The following GRIK5 variants were observed in gnomAD, a reference collection of about 807,000 sequenced individuals.
GRIK5 encodes the protein glutamate ionotropic receptor kainate type subunit 5.
A neutral mutation model predicts 97.4 loss-of-function variants in GRIK5; 43 were observed. The observed-to-expected ratio is 0.44, with a 90% CI of 0.35 to 0.57. GRIK5 has a LOEUF of 0.57. GRIK5 is among the 20% of genes least tolerant of loss of function. The probability of loss-of-function intolerance (pLI) is 0.01; values close to 1 mark genes in which losing one functional copy is unlikely to be tolerated. For synonymous variants in GRIK5, 580 were observed against 583.5 expected (o/e 0.99, Z 0.09); for missense variants, 1,015 against 1,382.0 (o/e 0.73, Z 4.21).
At chr19:42,060,734 C>A (rs1298063590) in intron 5 of GRIK5, among the ~76,000 whole-genome samples, 2 of 152,008 alleles carry the variant, frequency 1.3e-5, no homozygotes, top group Admixed American at 6.6e-5. Context: ...TGGCCTAGAA[C>A]CCTCTCCTCT....
intron 15 of GRIK5, among the ~76,000 whole-genome samples, chr19:42,017,888 A>C (rs2075644423): frequency 6.6e-6 from 1 of 152,152 alleles, no homozygotes; most frequent in South Asian, 2.1e-4. Context: ...CCTAGGAGCC[A>C]CCTGGAGATG....
intron 15 of GRIK5, among the ~76,000 whole-genome samples, chr19:42,014,028 C>CA (rs1050872672): frequency 0.034 from 2,356 of 69,530 alleles, 47 homozygotes; most frequent in African/African-American, 0.069. Flanking sequence ...GACTCCATCT[C>CA]AAAAAAAAAA....
rs560124724 is a variant in GRIK5 at position 42,062,002 on chromosome 19, G to GT, written c.508+485dup. On this transcript the variant is annotated intron_variant, in intron 5 of 19. Coordinates refer to ENST00000593562, the MANE Select transcript of GRIK5 (RefSeq NM_002088.5). The surrounding 1 kb of genome is among the most constrained non-coding windows in gnomAD (Gnocchi z 5.3). ...CTCCCTGGGCCCTCTACCTCTGCCC[G>GT]TCACACTTTCTACTTAGAACCTGTT... Among the ~76,000 whole-genome samples, 107 of 152,252 alleles carry GT rather than the reference G, an allele frequency of 7.0e-4. No homozygotes were observed. Among genetic ancestry groups the GT allele is most frequent in the African/African-American group, 2.5e-3 (104 of 41,530 alleles).
At chr19:42,009,106 C>T (rs1255317550) in intron 15 of GRIK5, among the ~76,000 whole-genome samples, 5 of 151,758 alleles carry the variant, frequency 3.3e-5, no homozygotes, top group Non-Finnish European at 7.4e-5. Flanking sequence ...TGCCTGCCTA[C>T]AGTCCCAGCA....
intron 1 of GRIK5, among the ~76,000 whole-genome samples, chr19:42,066,649 G>A (rs1344747337): frequency 6.6e-6 from 1 of 151,918 alleles, no homozygotes; most frequent in African/African-American, 2.4e-5. Flanking sequence ...GAGAAAAGAG[G>A]AGAGTTACAG....
chr19:42,041,214 T>C (rs927090082), intron 12 of GRIK5, among the ~76,000 whole-genome samples: 1 of 152,186 alleles, frequency 6.6e-6, no homozygotes, highest in African/African-American at 2.4e-5. Flanking sequence ...AATTCTGGCA[T>C]GAGAGAGAGG....
chr19:42,043,526 C>T (rs1249376216), intron 11 of GRIK5, among the ~76,000 whole-genome samples: 1 of 151,956 alleles, frequency 6.6e-6, no homozygotes, highest in African/African-American at 2.4e-5. Flanking sequence ...CTGCCTCACC[C>T]CCGCCAAGTA....
chr19:42,051,065 C>T (rs528496234), intron 11 of GRIK5, among the ~76,000 whole-genome samples: 10 of 152,270 alleles, frequency 6.6e-5, no homozygotes, highest in South Asian at 2.1e-4. Flanking sequence ...TCCCTCTGTC[C>T]GCAGCAGAGA....
chr19:42,046,432 C>T (rs1443115353), intron 11 of GRIK5, among the ~76,000 whole-genome samples: 2 of 152,138 alleles, frequency 1.3e-5, no homozygotes, highest in Admixed American at 1.3e-4. Context: ...TGCAGAAGCC[C>T]AACACTGCAG....
chr19:42,015,039 C>T (rs2075608695), intron 15 of GRIK5, among the ~76,000 whole-genome samples: 1 of 152,126 alleles, frequency 6.6e-6, no homozygotes, highest in Non-Finnish European at 1.5e-5. Flanking sequence ...AACTTCAGAA[C>T]ACAGAATGTT....
chr19:42,034,683 C>G (rs2075879825), intron 12 of GRIK5, among the ~76,000 whole-genome samples: 1 of 152,162 alleles, frequency 6.6e-6, no homozygotes. Flanking sequence ...GGTGGCTCTT[C>G]TCAGGACTGT....
intron 15 of GRIK5, among the ~76,000 whole-genome samples, chr19:42,008,247 C>T (rs2075517547): frequency 6.6e-6 from 1 of 152,104 alleles, no homozygotes; most frequent in Non-Finnish European, 1.5e-5. Flanking sequence ...GAACTCCTGA[C>T]CTCAGGTGAC....
chr19:42,059,678 T>C, intron 5 of GRIK5, 151 bp from the exon 6 acceptor site: 1 of 628,200 alleles, frequency 1.6e-6, no homozygotes. Context: ...GTAATGGGCT[T>C]GGGGACCCAA....
Position 42,062,512 on chromosome 19 carries a change from T to G in GRIK5, c.484A>C (p.Ser162Arg). Residue 162 changes from serine (S) to arginine (R), a missense_variant, in exon 5 of 20, where the codon AGC becomes CGC. Coordinates refer to ENST00000593562, the MANE Select transcript of GRIK5 (RefSeq NM_002088.5). The surrounding 1 kb of genome is among the most constrained non-coding windows in gnomAD (Gnocchi z 5.3). ...ILKSFNYPSA[S>R]LICAKAECLL... ...CACTCAGCCTTGGCGCAGATGAGGC[T>G]GGCCGAGGGGTAGTTGAAGGACTTG... 1 of 1,614,110 alleles carries G rather than the reference T, an allele frequency of 6.2e-7. No homozygotes were observed.
chr19:42,058,619 A>C lies in GRIK5; in HGVS notation c.687+730T>G, dbSNP rs529197924. 2.7e-5 allele frequency among the ~76,000 whole-genome samples: 4 copies of C among 150,728 alleles called. No homozygotes were observed. The South Asian group carries it at 8.4e-4, about 32-fold the overall frequency. ...GAGGCAGGCAGATCACGAGGTTAGG[A>C]GTTCAAGACCATCCTGGCCAATATG... On this transcript the variant is annotated intron_variant, in intron 6 of 19. Transcript: ENST00000593562.
At chr19:42,031,708 C>T (rs2075843125) in intron 12 of GRIK5, among the ~76,000 whole-genome samples, 1 of 152,192 alleles carries the variant, frequency 6.6e-6, no homozygotes. Flanking sequence ...CTGTTGTAGT[C>T]TTTCTGGAAA....
intron 12 of GRIK5, among the ~76,000 whole-genome samples, chr19:42,025,090 TG>T (rs1214340759): frequency 1.3e-5 from 2 of 152,134 alleles, no homozygotes; most frequent in African/African-American, 2.4e-5. Context: ...CTGCTTCCTC[TG>T]GGGCCCTCCC....
chr19:42,035,261 G>A (rs1300178225), intron 12 of GRIK5, among the ~76,000 whole-genome samples: 2 of 152,172 alleles, frequency 1.3e-5, no homozygotes, highest in South Asian at 4.2e-4. Flanking sequence ...GATTATAGGC[G>A]TGAGTCACTG....
At chr19:42,063,693 G>A (rs2076290159) in intron 3 of GRIK5, among the ~76,000 whole-genome samples, 1 of 152,176 alleles carries the variant, frequency 6.6e-6, no homozygotes, top group South Asian at 2.1e-4. Context: ...AGCCAACTCA[G>A]AGGAAAGCAG....
Sources: allele counts gnomAD v4.1 joint callset (sites outside exome capture counted in the v4.1 genomes callset), GRCh38; gene constraint gnomAD v4.1.1; non-coding constraint Gnocchi (gnomAD v3.1); transcripts MANE v1.5; gene names NCBI Gene and HGNC (gene_info 2026-07-23, HGNC 2026-07-21).